LARP4B: variants seen among roughly 807,000 people sequenced by gnomAD.
LARP4B encodes la-related protein 4B.
A neutral mutation model predicts 89.8 loss-of-function variants in LARP4B; 12 were observed. That is an observed-to-expected ratio of 0.13 (90% confidence interval 0.09 to 0.22). The LOEUF (loss-of-function observed/expected upper bound fraction) is 0.22. Among genes scored for constraint, LARP4B ranks in the 10% least tolerant of loss-of-function variants. The pLI, the probability that LARP4B is intolerant of heterozygous loss-of-function variation, is 1.00. For synonymous variants in LARP4B, 367 were observed against 363.3 expected, an observed-to-expected ratio of 1.01 and a Z score of -0.12; for missense variants, 757 against 947.7, an observed-to-expected ratio of 0.80 and a Z score of 2.64.
chr10:910,549 T>A (rs1198334562), intron 1 of LARP4B, among the ~76,000 whole-genome samples: 1 of 152,210 alleles, frequency 6.6e-6, no homozygotes, highest in Non-Finnish European at 1.5e-5. Context: ...AGATTTTACT[T>A]GGACTGTTTT....
intron 1 of LARP4B, among the ~76,000 whole-genome samples, chr10:897,531 C>T (rs549661105): frequency 5.9e-5 from 9 of 152,142 alleles, no homozygotes; most frequent in Non-Finnish European, 1.0e-4. Context: ...TTCATCAAAA[C>T]GAAAAACTTT....
the LARP4B span, among the ~76,000 whole-genome samples, chr10:943,523 G>T: frequency 6.6e-6 from 1 of 152,106 alleles, no homozygotes. Flanking sequence ...TCAACCTCCT[G>T]GGCCCAGATG....
At chr10:945,425 A>T in the LARP4B span, among the ~76,000 whole-genome samples, 1 of 147,270 alleles carries the variant, frequency 6.8e-6, no homozygotes, top group Non-Finnish European at 1.5e-5. Flanking sequence ...GGTGGCTCAC[A>T]CCTGTAATCC....
chr10:904,725 G>C (rs1305479118), intron 1 of LARP4B, among the ~76,000 whole-genome samples: 1 of 152,186 alleles, frequency 6.6e-6, no homozygotes, highest in Non-Finnish European at 1.5e-5. Context: ...TCCAGGTACT[G>C]TGGCGATGTC....
chr10:839,329 T>C (rs778064242), intron 7 of LARP4B, among the ~76,000 whole-genome samples: 5 of 152,240 alleles, frequency 3.3e-5, no homozygotes, highest in Non-Finnish European at 7.3e-5. Context: ...GGAATGTTCA[T>C]ATGGGAAGAG....
chr10:920,811 C>T (rs1836958638), intron 1 of LARP4B, among the ~76,000 whole-genome samples: 1 of 152,104 alleles, frequency 6.6e-6, no homozygotes, highest in African/African-American at 2.4e-5. Flanking sequence ...TTCCTTCAGT[C>T]TTTTAATTCC....
chr10:886,048 C>A (rs983185455), intron 1 of LARP4B, among the ~76,000 whole-genome samples: 2 of 152,006 alleles, frequency 1.3e-5, no homozygotes, highest in East Asian at 1.9e-4. Context: ...AAACTCAAGT[C>A]TTTTAAAAAA....
rs140310224 is a variant in LARP4B at position 844,997 on chromosome 10, T to C, written c.489A>G (p.Thr163=). The change falls in exon 6 of 18, where the codon ACA becomes ACG. Residue 163 remains threonine (T), a synonymous_variant. Transcript: ENST00000316157. Reference sequence around the variant, plus strand: ...CTTACCTAGATAAGCAGAATTCCAATGTTTTTTTAAGTACTTCTCGGGGGT... The same window carrying C: ...CTTACCTAGATAAGCAGAATTCCAACGTTTTTTTAAGTACTTCTCGGGGGT... The part of the protein sequence containing the change: ...QEDPREVLKK[T]LEFCLSRENL... The C allele has an allele frequency of 7.4e-6, 12 of 1,611,812 alleles. No homozygotes were observed. The African/African-American group carries it at 1.2e-4, about 16-fold the overall frequency.
At chr10:906,362 A>G (rs1836493071) in intron 1 of LARP4B, among the ~76,000 whole-genome samples, 1 of 152,258 alleles carries the variant, frequency 6.6e-6, no homozygotes, top group African/African-American at 2.4e-5. Context: ...TATTAATTAA[A>G]TCACACAGCT....
At chr10:846,759 G>A (rs866139123) in intron 5 of LARP4B, among the ~76,000 whole-genome samples, 1 of 152,194 alleles carries the variant, frequency 6.6e-6, no homozygotes, top group Non-Finnish European at 1.5e-5. Flanking sequence ...GGGCACTAGG[G>A]AGGACTCTCC....
chr10:814,104 T>TTTATTA lies in LARP4B; in HGVS notation c.1929+632_1929+637dup. 6.6e-6 allele frequency among the ~76,000 whole-genome samples: 1 copy of TTTATTA among 151,450 alleles called. No individual in the cohort carries two copies. The highest frequency in any genetic ancestry group is 6.5e-5 in the Admixed American group (1 of 15,270). On this transcript the variant is annotated intron_variant, in intron 17 of 17. Coordinates refer to ENST00000316157, the MANE Select transcript of LARP4B (RefSeq NM_015155.3). The surrounding 1 kb of genome is among the most constrained non-coding windows in gnomAD (Gnocchi z 4.4). Reference sequence around the variant, plus strand: ...GCGTGAGCCACAGCACCTGGCCTCTTTTATTATTATTATTATTTATTATTA... The same window carrying TTTATTA: ...GCGTGAGCCACAGCACCTGGCCTCTTTTATTATTATTATTATTATTATTTATTATTA...
In LARP4B at chr10:822,510, C is replaced by T. The variant is rs969123881; in HGVS notation, c.1485-1665G>A. 2.6e-5 allele frequency among the ~76,000 whole-genome samples: 4 copies of T among 152,194 alleles called. No homozygotes were observed. The highest frequency in any genetic ancestry group is 1.9e-4 in the East Asian group (1 of 5,196). On this transcript the variant is annotated intron_variant, in intron 13 of 17. Coordinates refer to ENST00000316157, the MANE Select transcript of LARP4B (RefSeq NM_015155.3). This position sits in a 1 kb window ranked among gnomAD's most constrained non-coding sequence, Gnocchi z 4.6. ...TCAGTGGGCCCAGCCAACACTCCCC[C>T]ACACCCTCACTGGGCTCCACGTAAC...
At chr10:910,450 G>A (rs1364665656) in intron 1 of LARP4B, among the ~76,000 whole-genome samples, 1 of 152,238 alleles carries the variant, frequency 6.6e-6, no homozygotes, top group Non-Finnish European at 1.5e-5. Flanking sequence ...CTGGGAACCA[G>A]TGTGACACTC....
In LARP4B at chr10:829,726, T is replaced by C. The variant is rs1832800450; in HGVS notation, c.870A>G (p.Lys290=). The C allele has an allele frequency of 2.5e-6, 4 of 1,612,054 alleles. No individual in the cohort carries two copies. Among genetic ancestry groups the C allele is most frequent in the Non-Finnish European group, 3.4e-6 (4 of 1,178,578 alleles). ...ETEADAQQAY[K]YLREEVKTFQ... ...AAGTTTTGACTTCTTCTCGAAGGTA[T>C]TTGTAAGCCTAAGGGCAAAATTAAG... The change falls in exon 10 of 18, where the codon AAA becomes AAG. Residue 290 remains lysine (K), a synonymous_variant. Transcript: ENST00000316157.
At chr10:846,048 A>G (rs960125008) in intron 5 of LARP4B, among the ~76,000 whole-genome samples, 1 of 152,220 alleles carries the variant, frequency 6.6e-6, no homozygotes, top group Non-Finnish European at 1.5e-5. Context: ...TAAAGTAACC[A>G]TAACACAAAA....
intron 1 of LARP4B, among the ~76,000 whole-genome samples, chr10:892,541 TTAA>T (rs1158688568): frequency 6.6e-6 from 1 of 152,064 alleles, no homozygotes; most frequent in African/African-American, 2.4e-5. Flanking sequence ...AAAATTATCG[TTAA>T]TTTTTTTTTT....
chr10:926,807 C>A (rs1359478863), intron 1 of LARP4B, among the ~76,000 whole-genome samples: 1 of 152,312 alleles, frequency 6.6e-6, no homozygotes, highest in East Asian at 1.9e-4. Context: ...GAGGCCAAGG[C>A]AGATGGGTCA....
intron 13 of LARP4B, among the ~76,000 whole-genome samples, chr10:824,145 A>G (rs1832496458): frequency 6.6e-6 from 1 of 152,180 alleles, no homozygotes; most frequent in African/African-American, 2.4e-5. Flanking sequence ...GTCACTTATG[A>G]GAGGAAAATC....
intron 3 of LARP4B, among the ~76,000 whole-genome samples, chr10:868,298 T>C (rs2131862420): frequency 6.6e-6 from 1 of 151,804 alleles, no homozygotes; most frequent in South Asian, 2.1e-4. Flanking sequence ...TCAGGGCAAT[T>C]TGCTGACTTC....
Sources: gnomAD v4.1 joint callset for allele counts (sites outside exome capture counted in the v4.1 genomes callset) on GRCh38, gnomAD v4.1.1 for gene constraint, Gnocchi (gnomAD v3.1) non-coding constraint, MANE v1.5 for transcripts, NCBI Gene and HGNC (gene_info 2026-07-23, HGNC 2026-07-21) for gene names.